The following GRHL2 variants were observed in gnomAD, a reference collection of about 807,000 sequenced individuals.
The protein encoded by GRHL2 is grainyhead like transcription factor 2.
A neutral mutation model predicts 83.8 loss-of-function variants in GRHL2; 21 were observed. That is an observed-to-expected ratio of 0.25 (90% CI 0.18 to 0.36). The LOEUF is 0.36. Ranked by LOEUF, GRHL2 falls within the 10% of genes least tolerant of loss-of-function variation. The pLI, the probability that GRHL2 is intolerant of heterozygous loss-of-function variation, is 1.00. For synonymous variants in GRHL2, 280 were observed against 278.9 expected, an observed-to-expected ratio of 1.00 and a Z score of -0.04; for missense variants, 623 against 781.8, an observed-to-expected ratio of 0.80 and a Z score of 2.42.
At chr8:101,499,754 G>T (rs1810184566) in intron 1 of GRHL2, among the ~76,000 whole-genome samples, 1 of 152,140 alleles carries the variant, frequency 6.6e-6, no homozygotes, top group South Asian at 2.1e-4. Context: ...TCCTTTTAAA[G>T]AGGTTTTCAA....
intron 4 of GRHL2, chr8:101,562,203 ACT>A: frequency 1.6e-6 from 1 of 610,144 alleles, no homozygotes; most frequent in South Asian, 1.5e-5. Context: ...GATTTCTTCA[ACT>A]CTCTTCATTG....
intron 14 of GRHL2, among the ~76,000 whole-genome samples, chr8:101,661,794 T>C (rs1277785344): frequency 6.6e-6 from 1 of 152,202 alleles, no homozygotes. Context: ...AGTGAAATAC[T>C]TTTTTCCTGT....
chr8:101,642,075 TG>T (rs1813413667), intron 12 of GRHL2, among the ~76,000 whole-genome samples: 1 of 152,180 alleles, frequency 6.6e-6, no homozygotes, highest in African/African-American at 2.4e-5. Context: ...CTACAGAGGG[TG>T]GGCTGCAGTT....
intron 1 of GRHL2, among the ~76,000 whole-genome samples, chr8:101,503,770 C>A (rs1810279202): frequency 6.6e-6 from 1 of 151,992 alleles, no homozygotes; most frequent in Admixed American, 6.5e-5. Flanking sequence ...ATGAAAAAAT[C>A]CTTAATGATA....
intron 1 of GRHL2, 140 bp downstream of exon 1, chr8:101,492,929 C>T (rs760630063): frequency 8.5e-5 from 67 of 785,666 alleles, no homozygotes; most frequent in Non-Finnish European, 1.5e-4. Flanking sequence ...TGGATCCAGA[C>T]TTTTCCGCAT....
chr8:101,514,707 C>T (rs977540937), intron 1 of GRHL2, among the ~76,000 whole-genome samples: 1 of 152,214 alleles, frequency 6.6e-6, no homozygotes, highest in African/African-American at 2.4e-5. Context: ...TTCCTAACAA[C>T]TCGAGCTTTC....
intron 8 of GRHL2, among the ~76,000 whole-genome samples, chr8:101,618,372 C>T (rs372409176): frequency 2.6e-5 from 4 of 152,264 alleles, no homozygotes; most frequent in Middle Eastern, 3.4e-3. Flanking sequence ...TGTGATTTCT[C>T]TTATATCTCT....
At chr8:101,513,500 C>CTTT (rs112134650) in intron 1 of GRHL2, among the ~76,000 whole-genome samples, 1 of 100,188 alleles carries the variant, frequency 1.0e-5, no homozygotes, top group African/African-American at 3.8e-5. Flanking sequence ...TATCGTTGTG[C>CTTT]TTTTTTTTTT....
At chr8:101,494,783 T>C (rs980074019) in intron 1 of GRHL2, among the ~76,000 whole-genome samples, 1 of 152,256 alleles carries the variant, frequency 6.6e-6, no homozygotes, top group Non-Finnish European at 1.5e-5. Context: ...AAATAAGTAC[T>C]GAGCGCCCGC....
intron 1 of GRHL2, among the ~76,000 whole-genome samples, chr8:101,505,174 C>G (rs1166688791): frequency 1.3e-5 from 2 of 152,104 alleles, no homozygotes; most frequent in African/African-American, 2.4e-5. Context: ...CTCCCACTCC[C>G]AACTGGCCCT....
intron 7 of GRHL2, among the ~76,000 whole-genome samples, chr8:101,587,318 C>T (rs1362520769): frequency 1.3e-5 from 2 of 152,170 alleles, no homozygotes; most frequent in Non-Finnish European, 2.9e-5. Flanking sequence ...ACGATGGATG[C>T]TTGAAGAGAC....
Position 101,661,566 on chromosome 8 carries a change from T to C in GRHL2, c.1699-2888T>C, listed in dbSNP as rs72674279. ...TTGTAAAGGCCATGCAAATAATTGT[T>C]ATACTGTATTGTTTTGATTCATATT... is the stretch of plus-strand genomic sequence containing the variant. On this transcript the variant is annotated intron_variant, in intron 14 of 15. Coordinates refer to ENST00000646743, the MANE Select transcript of GRHL2 (RefSeq NM_024915.4). Among the ~76,000 whole-genome samples the C allele has an allele frequency of 2.1e-3, 326 of 152,368 alleles. 6 individuals are homozygous for C. The highest frequency in any genetic ancestry group is 0.01 in the Middle Eastern group (3 of 294).
chr8:101,576,436 T>G (rs1197282002), intron 6 of GRHL2, among the ~76,000 whole-genome samples: 1 of 152,136 alleles, frequency 6.6e-6, no homozygotes, highest in Non-Finnish European at 1.5e-5. Context: ...CCCAGGCTGG[T>G]CTTGAATTCC....
rs1330405971 is a variant in GRHL2, at chr8:101,592,109, T to TTTTTTC, written c.1004-6943_1004-6942insCTTTTT. Reference sequence around the variant, plus strand: ...TTTCTTTCTTTCTTTTCTTTTTTTTTTTTTTTTTTTTTTGAGACAGAGTCT... The same window carrying TTTTTTC: ...TTTCTTTCTTTCTTTTCTTTTTTTTTTTTTTCTTTTTTTTTTTTTGAGACAGAGTCT... On this transcript the variant is annotated intron_variant, in intron 7 of 15. Transcript: ENST00000646743. Among the ~76,000 whole-genome samples the TTTTTTC allele has an allele frequency of 3.7e-5, 5 of 136,276 alleles. 1 individual carries two copies. Among genetic ancestry groups the TTTTTTC allele is most frequent in the African/African-American group, 1.4e-4 (5 of 36,072 alleles). 89.4% of individuals were successfully genotyped at this position (136,276 alleles called of 152,430 possible).
intron 9 of GRHL2, among the ~76,000 whole-genome samples, chr8:101,627,177 TTTA>T (rs1159237343): frequency 6.6e-6 from 1 of 152,128 alleles, no homozygotes; most frequent in Non-Finnish European, 1.5e-5. Context: ...TGTGCTTTGC[TTTA>T]TTATGTTTCA....
chr8:101,663,396 G>A (rs556195161), intron 14 of GRHL2, among the ~76,000 whole-genome samples: 117 of 152,078 alleles, frequency 7.7e-4, no homozygotes, highest in Non-Finnish European at 1.2e-3. Flanking sequence ...GGTGGATCAC[G>A]AGGTCAGGAG....
chr8:101,650,097 A>G (rs891291901), intron 14 of GRHL2, among the ~76,000 whole-genome samples: 12 of 152,106 alleles, frequency 7.9e-5, no homozygotes, highest in African/African-American at 2.9e-4. Context: ...CTGCTCCCCC[A>G]CTGGACCACT....
chr8:101,576,751 G>C (rs1465351458), intron 6 of GRHL2, among the ~76,000 whole-genome samples: 1 of 152,136 alleles, frequency 6.6e-6, no homozygotes, highest in Non-Finnish European at 1.5e-5. Flanking sequence ...ACTGAAAAGA[G>C]TTTTGAATTC....
chr8:101,541,553 T>C (rs1321443879), intron 1 of GRHL2, among the ~76,000 whole-genome samples: 3 of 152,150 alleles, frequency 2.0e-5, no homozygotes, highest in African/African-American at 7.2e-5. Context: ...GTTGAATTTC[T>C]ATTGATTGAT....
Sources: allele counts gnomAD v4.1 joint callset (sites outside exome capture counted in the v4.1 genomes callset), GRCh38; gene constraint gnomAD v4.1.1; transcripts MANE v1.5; gene names NCBI Gene and HGNC (gene_info 2026-07-23, HGNC 2026-07-21).